INTS4: variants seen among roughly 807,000 people sequenced by gnomAD.
The protein encoded by INTS4 is integrator complex subunit 4.
In INTS4, 70 loss-of-function variants were observed where a neutral mutation model predicts 119.5. That is an observed-to-expected ratio of 0.59 (90% confidence interval 0.48 to 0.71). The LOEUF (loss-of-function observed/expected upper bound fraction) is 0.71. Among genes scored for constraint, INTS4 ranks in the 30% least tolerant of loss-of-function variants. The pLI, the probability that INTS4 is intolerant of heterozygous loss-of-function variation, is 0.00. For missense variants in INTS4, 867 were observed against 1,173.2 expected (o/e 0.74, Z 3.81); for synonymous variants, 316 against 419.6 (o/e 0.75, Z 3.02).
intron 15 of INTS4, among the ~76,000 whole-genome samples, chr11:77,917,575 G>C (rs1187323121): frequency 6.6e-6 from 1 of 151,950 alleles, no homozygotes. Flanking sequence ...CTCCCAAAGT[G>C]CTGGGATTAC....
intron 3 of INTS4, among the ~76,000 whole-genome samples, chr11:77,979,842 G>A (rs775725590): frequency 6.6e-6 from 1 of 151,760 alleles, no homozygotes; most frequent in Non-Finnish European, 1.5e-5. Flanking sequence ...GCCAGGCATG[G>A]TGGCACGTGC....
intron 10 of INTS4, among the ~76,000 whole-genome samples, chr11:77,935,101 GAGAC>G (rs1953755868): frequency 6.6e-6 from 1 of 152,190 alleles, no homozygotes; most frequent in Admixed American, 6.5e-5. Context: ...AGATGTACAT[GAGAC>G]AGATAGCATA....
At chr11:77,885,825 AAAG>A (rs1209767436) in intron 21 of INTS4, among the ~76,000 whole-genome samples, 1 of 151,856 alleles carries the variant, frequency 6.6e-6, no homozygotes, top group Non-Finnish European at 1.5e-5. Flanking sequence ...GTCTCAAAAA[AAAG>A]AAAGAAAGAA....
chr11:77,891,712 C>T lies in INTS4; in HGVS notation c.2417G>A (p.Ser806Asn), dbSNP rs1456399868. The change falls in exon 20 of 23, where the codon AGT becomes AAT. Residue 806 changes from serine (S) to asparagine (N), a missense_variant. Ser to Asn is a conservative substitution (Grantham distance 46). Around this residue, in one of 5 missense-constraint regions of INTS4, gnomAD observed 262 missense variants for 376.0 expected, o/e 0.70. Transcript: ENST00000534064. ...TGGAAGCGGGAGATGCAGAAAGGCA[C>T]TCTGTCGCAGCATGGTCTGTAGAAT... is the stretch of plus-strand genomic sequence containing the variant. ...VKILQTMLRQ[S>N]AFLHLPLPEQ... is the part of the protein sequence containing the mutation. The T allele has an allele frequency of 1.2e-6, 2 of 1,612,008 alleles. No individual in the cohort carries two copies. Among genetic ancestry groups the T allele is most frequent in the Non-Finnish European group, 1.7e-6 (2 of 1,179,856 alleles).
At chr11:77,959,398 C>A (rs1565273332) in intron 6 of INTS4, among the ~76,000 whole-genome samples, 1 of 152,132 alleles carries the variant, frequency 6.6e-6, no homozygotes, top group African/African-American at 2.4e-5. Context: ...ACACGCAAAC[C>A]TGAACTCATT....
intron 15 of INTS4, among the ~76,000 whole-genome samples, chr11:77,909,210 G>C (rs764800156): frequency 6.6e-6 from 1 of 152,196 alleles, no homozygotes; most frequent in African/African-American, 2.4e-5. Context: ...AGTCCAAAGA[G>C]AAATAGAGAA....
Position 77,911,446 on chromosome 11 carries a change from G to T in INTS4, c.1923-3636C>A, listed in dbSNP as rs1240986865. Among the ~76,000 whole-genome samples the T allele has an allele frequency of 2.6e-5, 4 of 152,142 alleles. No individual in the cohort carries two copies. The South Asian group carries it at 6.2e-4, about 24-fold the overall frequency. ...TGTGTTTCCTCTCCAGGAAGATTCTGCCTTCTATGACAATTATACAGAATA... is the reference window on the plus strand; with the variant it reads ...TGTGTTTCCTCTCCAGGAAGATTCTTCCTTCTATGACAATTATACAGAATA... On this transcript the variant is annotated intron_variant, in intron 15 of 22. Coordinates refer to ENST00000534064, the MANE Select transcript of INTS4 (RefSeq NM_033547.4).
chr11:77,932,909 AACACATGG>A (rs1384941232), intron 10 of INTS4, among the ~76,000 whole-genome samples: 1 of 144,792 alleles, frequency 6.9e-6, no homozygotes, highest in Non-Finnish European at 1.5e-5. Flanking sequence ...GAACAATGAG[AACACATGG>A]ACACTGAAGG....
intron 2 of INTS4, among the ~76,000 whole-genome samples, chr11:77,990,141 C>T (rs1225461212): frequency 1.3e-5 from 2 of 149,394 alleles, no homozygotes; most frequent in African/African-American, 5.0e-5. Context: ...ATCACTTAAA[C>T]CAAAGAGACG....
chr11:77,879,942 T>A (rs933783312), intron 22 of INTS4, among the ~76,000 whole-genome samples: 9 of 151,986 alleles, frequency 5.9e-5, no homozygotes, highest in Admixed American at 2.0e-4. Flanking sequence ...TTGGCAAAAA[T>A]CCCAAGAATC....
chr11:77,940,230 A>G (rs1953897252), intron 9 of INTS4, among the ~76,000 whole-genome samples: 1 of 152,078 alleles, frequency 6.6e-6, no homozygotes, highest in African/African-American at 2.4e-5. Flanking sequence ...GGAGTTCAAG[A>G]CCAACATGAG....
At chr11:77,959,197 T>C (rs917734731) in intron 6 of INTS4, among the ~76,000 whole-genome samples, 6 of 152,178 alleles carry the variant, frequency 3.9e-5, no homozygotes, top group African/African-American at 1.2e-4. Context: ...CACACTTCTG[T>C]TTACCTTGGT....
At chr11:77,913,558 A>G (rs1441474424) in intron 15 of INTS4, among the ~76,000 whole-genome samples, 8 of 152,168 alleles carry the variant, frequency 5.3e-5, no homozygotes, top group Non-Finnish European at 1.5e-5. Context: ...TGATCCGCCC[A>G]CCTTGGCCTC....
At chr11:77,990,503 T>C (rs914245422) in intron 2 of INTS4, among the ~76,000 whole-genome samples, 1 of 151,914 alleles carries the variant, frequency 6.6e-6, no homozygotes, top group African/African-American at 2.4e-5. Context: ...CTGGCCAACA[T>C]GGCAAAACCC....
chr11:77,896,324 G>A (rs1209922207), intron 18 of INTS4, among the ~76,000 whole-genome samples: 2 of 152,078 alleles, frequency 1.3e-5, no homozygotes, highest in Admixed American at 6.5e-5. Context: ...CAACAACAAT[G>A]TAAACTGAAA....
At chr11:77,946,602 T>C (rs1000783576) in intron 8 of INTS4, among the ~76,000 whole-genome samples, 1 of 151,506 alleles carries the variant, frequency 6.6e-6, no homozygotes, top group Non-Finnish European at 1.5e-5. Flanking sequence ...CTCTACAAAA[T>C]ATAAAAAAAT....
chr11:77,912,885 A>T (rs1464754460), intron 15 of INTS4, among the ~76,000 whole-genome samples: 1 of 152,246 alleles, frequency 6.6e-6, no homozygotes, highest in Non-Finnish European at 1.5e-5. Flanking sequence ...AAATAATTCA[A>T]CTAAAAAATC....
chr11:77,982,790 T>C (rs975750410), intron 2 of INTS4, among the ~76,000 whole-genome samples: 3 of 152,112 alleles, frequency 2.0e-5, no homozygotes, highest in Non-Finnish European at 2.9e-5. Context: ...AAAGACAAAA[T>C]TACTTAAGTG....
intron 9 of INTS4, among the ~76,000 whole-genome samples, chr11:77,939,253 T>C (rs1953871664): frequency 6.6e-6 from 1 of 152,082 alleles, no homozygotes; most frequent in Non-Finnish European, 1.5e-5. Context: ...CAAGGCAGGC[T>C]GATCACGAGG....
Sources: gnomAD v4.1 joint callset for allele counts (sites outside exome capture counted in the v4.1 genomes callset) on GRCh38, gnomAD v4.1.1 for gene constraint, gnomAD v4.1.1 regional missense constraint, MANE v1.5 for transcripts, NCBI Gene and HGNC (gene_info 2026-07-23, HGNC 2026-07-21) for gene names.